Variants in SGTB observed in about 807,000 individuals in gnomAD.
SGTB encodes the protein small glutamine-rich tetratricopeptide repeat-containing protein beta.
A neutral mutation model predicts 43.9 loss-of-function variants in SGTB; 19 were observed. The ratio of observed to expected loss-of-function variants is 0.43; its 90% CI spans 0.30 to 0.63. SGTB has a LOEUF of 0.63. Ranked by LOEUF, SGTB falls within the 30% of genes least tolerant of loss-of-function variation. The probability of loss-of-function intolerance (pLI) is 0.12; values close to 1 mark genes in which losing one functional copy is unlikely to be tolerated. For missense variants in SGTB, 304 were observed against 358.9 expected (o/e 0.85, Z 1.24); for synonymous variants, 116 against 117.3 (o/e 0.99, Z 0.07).
chr5:65,673,443 T>C (rs949652389), intron 8 of SGTB, among the ~76,000 whole-genome samples: 4 of 152,168 alleles, frequency 2.6e-5, no homozygotes, highest in African/African-American at 9.7e-5. Context: ...CTCCACCTCC[T>C]GTCAGATCAG....
intron 2 of SGTB, among the ~76,000 whole-genome samples, chr5:65,717,389 G>T (rs1758172369): frequency 6.6e-6 from 1 of 151,548 alleles, no homozygotes; most frequent in African/African-American, 2.4e-5. Context: ...GATCCAGTAG[G>T]GTATGAAAAT....
intron 5 of SGTB, among the ~76,000 whole-genome samples, chr5:65,698,069 G>T (rs903189763): frequency 2.3e-4 from 35 of 152,268 alleles, no homozygotes; most frequent in Admixed American, 8.5e-4. Flanking sequence ...CTGTGAAGGG[G>T]TTTAAGGAAC....
Position 65,670,151 on chromosome 5 carries a change from T to A in SGTB, c.*95A>T, listed in dbSNP as rs943072811. 49 of 990,060 alleles carry A rather than the reference T, an allele frequency of 4.9e-5. No individual in the cohort carries two copies. Among genetic ancestry groups the A allele is most frequent in the Non-Finnish European group, 6.8e-5 (44 of 650,470 alleles). The allele number at this position is 990,060 out of a possible 1,614,324, so 61.3% of individuals were successfully genotyped here. On this transcript the variant is annotated 3_prime_UTR_variant, in exon 11 of 11. Coordinates refer to ENST00000381007, the MANE Select transcript of SGTB (RefSeq NM_019072.3). ...ATTTTCACACATCAGATATGGTGTT[T>A]GGTTTTTTGAAGGAGGGAGGGGGTA...
intron 8 of SGTB, among the ~76,000 whole-genome samples, chr5:65,679,132 T>A (rs1757340344): frequency 6.6e-6 from 1 of 152,198 alleles, no homozygotes; most frequent in East Asian, 1.9e-4. Context: ...CTATAAGAAC[T>A]TAAACAAATT....
intron 2 of SGTB, among the ~76,000 whole-genome samples, chr5:65,714,876 ATT>A (rs1373883664): frequency 1.3e-5 from 2 of 152,224 alleles, no homozygotes; most frequent in African/African-American, 2.4e-5. Flanking sequence ...TTTTAAAAAG[ATT>A]TAGACTTCAA....
At position 65,720,749 on chromosome 5, in the gene SGTB, T is replaced by C. The variant is rs1446115719; in HGVS notation, c.59A>G (p.Gln20Arg). 3.7e-6 allele frequency: 6 copies of C among 1,613,946 alleles called. No individual in the cohort carries two copies. The highest frequency in any genetic ancestry group is 5.1e-6 in the Non-Finnish European group (6 of 1,179,984). ...TTCATCCGAGGTGTAAGTGTCCATC[T>C]GACTTTGTTCCCGTAAGAAACGAAT... ...AVIRFLREQS[Q>R]MDTYTSDEQE... The change falls in exon 2 of 11, where the codon CAG becomes CGG. Residue 20 changes from glutamine (Q) to arginine (R), a missense_variant. Coordinates refer to ENST00000381007, the MANE Select transcript of SGTB (RefSeq NM_019072.3).
At chr5:65,710,282 G>GA in intron 3 of SGTB, among the ~76,000 whole-genome samples, 1 of 152,156 alleles carries the variant, frequency 6.6e-6, no homozygotes, top group Middle Eastern at 3.4e-3. Flanking sequence ...TTATACATGG[G>GA]AAAAAGTGAT....
rs146248502 is a variant in SGTB, at chr5:65,712,373, C to T, written c.204+588G>A. 4.6e-3 allele frequency among the ~76,000 whole-genome samples: 707 copies of T among 152,322 alleles called. 6 individuals carry two copies. The highest frequency in any genetic ancestry group is 0.016 in the African/African-American group (656 of 41,586). On this transcript the variant is annotated intron_variant, in intron 3 of 10. Coordinates refer to ENST00000381007, the MANE Select transcript of SGTB (RefSeq NM_019072.3). ...TTTCAGACAGTCTTATGGTCTGTTT[C>T]CTGAAAAGGCCAGAAACCCAAGACC...
intron 1 of SGTB, 78 bp downstream of exon 1, chr5:65,721,839 C>G (rs985867087): frequency 6.6e-6 from 1 of 152,400 alleles, no homozygotes; most frequent in Non-Finnish European, 1.5e-5. Context: ...CGGCCCTGCC[C>G]GGTGTGCAGC....
intron 5 of SGTB, among the ~76,000 whole-genome samples, chr5:65,697,274 A>G (rs983921788): frequency 6.6e-6 from 1 of 152,222 alleles, no homozygotes; most frequent in African/African-American, 2.4e-5. Flanking sequence ...TAAGTGCAAA[A>G]GAGAAGCATA....
intron 5 of SGTB, among the ~76,000 whole-genome samples, chr5:65,698,016 A>G (rs1757743937): frequency 6.6e-6 from 1 of 152,222 alleles, no homozygotes; most frequent in African/African-American, 2.4e-5. Flanking sequence ...AATCTAATCT[A>G]TCAAAACAGT....
chr5:65,681,124 G>A (rs1429142953), intron 6 of SGTB, among the ~76,000 whole-genome samples: 2 of 152,182 alleles, frequency 1.3e-5, no homozygotes, highest in African/African-American at 4.8e-5. Flanking sequence ...TCCAAAAGAT[G>A]TGAGTTGACA....
intron 5 of SGTB, among the ~76,000 whole-genome samples, chr5:65,702,178 CA>C (rs1189797784): frequency 6.6e-6 from 1 of 152,046 alleles, no homozygotes; most frequent in East Asian, 1.9e-4. Flanking sequence ...GGTTGTACAG[CA>C]ATCCAGAAAT....
At chr5:65,698,642 A>ATT (rs1757755198) in intron 5 of SGTB, among the ~76,000 whole-genome samples, 1 of 152,236 alleles carries the variant, frequency 6.6e-6, no homozygotes, top group Non-Finnish European at 1.5e-5. Context: ...TGCATCCAAC[A>ATT]AAGGACTAAT....
chr5:65,698,754 C>A (rs1406479588), intron 5 of SGTB, among the ~76,000 whole-genome samples: 1 of 152,050 alleles, frequency 6.6e-6, no homozygotes, highest in East Asian at 1.9e-4. Flanking sequence ...TCAAAGTATA[C>A]AAATGGCCAA....
intron 10 of SGTB, among the ~76,000 whole-genome samples, chr5:65,671,119 T>C (rs1013100506): frequency 2.6e-5 from 4 of 152,254 alleles, no homozygotes; most frequent in African/African-American, 9.6e-5. Context: ...TTTTAAACTA[T>C]GTATGTGTAC....
chr5:65,682,481 A>G (rs1333552934), intron 6 of SGTB, among the ~76,000 whole-genome samples: 5 of 152,212 alleles, frequency 3.3e-5, no homozygotes, highest in African/African-American at 1.2e-4. Flanking sequence ...TAGCTTAGGT[A>G]AGAGATGTAG....
chr5:65,720,279 G>T (rs13178696), intron 2 of SGTB, among the ~76,000 whole-genome samples: 30,859 of 151,620 alleles, frequency 0.2, 3,830 homozygotes, highest in South Asian at 0.34. Flanking sequence ...ACAGGGTTTT[G>T]CCATGTTGCC....
rs1037190485 is a variant in SGTB at position 65,672,228 on chromosome 5, C to A, written c.719+16G>T. 6.8e-6 allele frequency: 11 copies of A among 1,613,790 alleles called. No individual in the cohort carries two copies. The highest frequency in any genetic ancestry group is 8.5e-6 in the Non-Finnish European group (10 of 1,179,936). Reference sequence around the variant, plus strand: ...AAGGGTTGGGGAAGTGTAATAAGCTCTTTCTATATACTTACAGCTGTTGAA... The same window carrying A: ...AAGGGTTGGGGAAGTGTAATAAGCTATTTCTATATACTTACAGCTGTTGAA... On this transcript the variant is annotated intron_variant, in intron 9 of 10. Coordinates refer to ENST00000381007, the MANE Select transcript of SGTB (RefSeq NM_019072.3).
Sources: allele counts gnomAD v4.1 joint callset (sites outside exome capture counted in the v4.1 genomes callset), GRCh38; gene constraint gnomAD v4.1.1; transcripts MANE v1.5; gene names NCBI Gene and HGNC (gene_info 2026-07-23, HGNC 2026-07-21).